Variants in TCF20 observed in about 807,000 individuals in gnomAD.
TCF20 encodes SPRE-binding protein.
A neutral mutation model predicts 148.6 loss-of-function variants in TCF20; 3 were observed. The observed-to-expected ratio is 0.02, with a 90% confidence interval of 0.01 to 0.05. TCF20 has a LOEUF of 0.05. Ranked by LOEUF, TCF20 falls within the 10% of genes least tolerant of loss-of-function variation. The pLI is 1.00. For missense variants in TCF20, 2,350 were observed against 2,429.3 expected (o/e 0.97, Z 0.69); for synonymous variants, 1,049 against 909.5 (o/e 1.15, Z -2.76).
At chr22:42,340,345 T>C (rs932266370) in intron 1 of TCF20, among the ~76,000 whole-genome samples, 3 of 152,176 alleles carry the variant, frequency 2.0e-5, no homozygotes, top group African/African-American at 7.2e-5. Context: ...GAATAAATGA[T>C]GGAACAAACC....
chr22:42,225,592 G>A (rs1208825608), intron 1 of TCF20, among the ~76,000 whole-genome samples: 1 of 143,318 alleles, frequency 7.0e-6, no homozygotes, highest in Non-Finnish European at 1.5e-5. Flanking sequence ...CCGCAGTCCG[G>A]CCTGGGCGAC....
intron 1 of TCF20, among the ~76,000 whole-genome samples, chr22:42,250,386 C>T (rs1480022780): frequency 7.0e-6 from 1 of 141,910 alleles, no homozygotes; most frequent in Admixed American, 7.7e-5. Context: ...ACAAAGGTTG[C>T]AGTGAGCCGA....
chr22:42,225,865 C>T (rs1241294464), intron 1 of TCF20, among the ~76,000 whole-genome samples: 1 of 152,172 alleles, frequency 6.6e-6, no homozygotes, highest in Non-Finnish European at 1.5e-5. Context: ...GGCAAGTGTG[C>T]ACACAGGGTC....
chr22:42,256,300 TTG>T (rs761175470), intron 1 of TCF20, among the ~76,000 whole-genome samples: 1 of 152,192 alleles, frequency 6.6e-6, no homozygotes, highest in Non-Finnish European at 1.5e-5. Flanking sequence ...TATTTGATTT[TTG>T]TGTGTGTGTG....
chr22:42,224,627 A>C (rs1922699726), intron 1 of TCF20, among the ~76,000 whole-genome samples: 2 of 151,952 alleles, frequency 1.3e-5, no homozygotes, highest in African/African-American at 4.8e-5. Flanking sequence ...CAAACAAAAA[A>C]ACAAAATACC....
intron 1 of TCF20, among the ~76,000 whole-genome samples, chr22:42,259,254 G>T (rs1324529618): frequency 6.6e-6 from 1 of 152,146 alleles, no homozygotes; most frequent in Non-Finnish European, 1.5e-5. Flanking sequence ...GTCATTGTTA[G>T]CAAGAATAAC....
At chr22:42,163,429 C>T (rs1282170406) in intron 5 of TCF20, among the ~76,000 whole-genome samples, 1 of 152,210 alleles carries the variant, frequency 6.6e-6, no homozygotes, top group Non-Finnish European at 1.5e-5. Flanking sequence ...CCTAACTTTT[C>T]AAGAGTTACT....
intron 1 of TCF20, among the ~76,000 whole-genome samples, chr22:42,255,331 C>CA (rs879456038): frequency 3.0e-4 from 46 of 151,232 alleles, no homozygotes; most frequent in Non-Finnish European, 5.8e-4. Context: ...CTAAAAATAC[C>CA]AAAAAAAAGT....
intron 1 of TCF20, among the ~76,000 whole-genome samples, chr22:42,311,118 G>T (rs1480455104): frequency 6.6e-6 from 1 of 152,210 alleles, no homozygotes; most frequent in East Asian, 1.9e-4. Context: ...CAGGGGGGTG[G>T]CCAGGCTCCC....
chr22:42,262,397 G>C (rs1034872178), intron 1 of TCF20, among the ~76,000 whole-genome samples: 3 of 152,148 alleles, frequency 2.0e-5, no homozygotes, highest in Non-Finnish European at 4.4e-5. Context: ...GGAGGAATCT[G>C]ATTTGAGAAA....
At chr22:42,181,073 ACT>A (rs1392809187) in intron 2 of TCF20, among the ~76,000 whole-genome samples, 3 of 152,258 alleles carry the variant, frequency 2.0e-5, no homozygotes. Context: ...GTAGCCCTAG[ACT>A]CTGTCGACCT....
chr22:42,288,715 C>CAAAAAAA (rs60058670), upstream of TCF20, among the ~76,000 whole-genome samples: 63 of 85,274 alleles, frequency 7.4e-4, 4 homozygotes, highest in African/African-American at 3.1e-3. Context: ...GACCCTGTAT[C>CAAAAAAA]AAAAAAAAAA....
chr22:42,213,841 G>A lies in TCF20; in HGVS notation c.1465C>T (p.Pro489Ser), dbSNP rs1180509095. The A allele has an allele frequency of 6.2e-7, 1 of 1,614,168 alleles. No homozygotes were observed. Among genetic ancestry groups the A allele is most frequent in the Non-Finnish European group, 8.5e-7 (1 of 1,180,032 alleles). ...LTPQKKTSKR[P>S]SSSKKADSCT... ...CTATCTGCTTTCTTGGAAGATGAGG[G>A]CCTCTTGGAGGTCTTCTTCTGAGGA... Residue 489 changes from proline to serine, a missense_variant, in exon 2 of 6, where the codon CCC becomes TCC. Physicochemically the swap from Pro to Ser is moderately conservative, Grantham distance 74. Coordinates refer to ENST00000677622, the MANE Select transcript of TCF20 (RefSeq NM_001378418.1).
intron 1 of TCF20, among the ~76,000 whole-genome samples, chr22:42,251,427 C>T (rs1490959753): frequency 6.6e-6 from 1 of 151,752 alleles, no homozygotes; most frequent in Non-Finnish European, 1.5e-5. Flanking sequence ...AGCAATCTGC[C>T]CACCTTGGCT....
intron 1 of TCF20, among the ~76,000 whole-genome samples, chr22:42,229,736 C>T (rs1923230765): frequency 6.6e-6 from 1 of 152,180 alleles, no homozygotes; most frequent in Non-Finnish European, 1.5e-5. Flanking sequence ...TGAGTCATTC[C>T]TCAAGGCCAT....
chr22:42,163,008 C>G (rs909035341), intron 5 of TCF20, among the ~76,000 whole-genome samples: 5 of 152,228 alleles, frequency 3.3e-5, no homozygotes, highest in African/African-American at 1.2e-4. Flanking sequence ...TCCAAGAACA[C>G]AGAAGGGTGT....
chr22:42,209,711 G>A lies in TCF20; in HGVS notation c.5595C>T (p.Ile1865=). Residue 1865 remains isoleucine (I), a synonymous_variant, in exon 2 of 6, where the codon ATC becomes ATT. Coordinates refer to ENST00000677622, the MANE Select transcript of TCF20 (RefSeq NM_001378418.1). The stretch of plus-strand genomic sequence containing the variant: ...CATAGAGCCTGCCACAAACCAGGTA[G>A]ATTCCATTGGCCCAGAGAATACAAC... ...HEGCILWANG[I]YLVCGRLYGL... 1 of 1,614,212 alleles carries A rather than the reference G, an allele frequency of 6.2e-7. No individual in the cohort carries two copies. Among genetic ancestry groups the A allele is most frequent in the Non-Finnish European group, 8.5e-7 (1 of 1,180,040 alleles).
chr22:42,325,456 C>G (rs950129710), intron 1 of TCF20, among the ~76,000 whole-genome samples: 4 of 152,248 alleles, frequency 2.6e-5, no homozygotes, highest in Non-Finnish European at 5.9e-5. Flanking sequence ...GCCCAGTAAA[C>G]CCTGATTTCC....
At chr22:42,186,514 A>C (rs1937054833) in intron 2 of TCF20, among the ~76,000 whole-genome samples, 1 of 152,232 alleles carries the variant, frequency 6.6e-6, no homozygotes, top group Admixed American at 6.5e-5. Flanking sequence ...CTATTAAATT[A>C]AGACAAACAG....
Sources: allele counts gnomAD v4.1 joint callset (sites outside exome capture counted in the v4.1 genomes callset), GRCh38; gene constraint gnomAD v4.1.1; transcripts MANE v1.5; gene names NCBI Gene and HGNC (gene_info 2026-07-23, HGNC 2026-07-21).